Variants in PPP1R13B observed in about 807,000 individuals in gnomAD.
PPP1R13B encodes protein phosphatase 1 regulatory subunit 13B.
Under a neutral mutation model 119.8 loss-of-function variants are expected in PPP1R13B, and 44 were observed. The ratio of observed to expected loss-of-function variants is 0.37; its 90% CI spans 0.29 to 0.47. PPP1R13B has a LOEUF of 0.47. Among genes scored for constraint, PPP1R13B ranks in the 20% least tolerant of loss-of-function variants. PPP1R13B has a pLI of 0.99. For synonymous variants in PPP1R13B, 542 were observed against 561.5 expected, an observed-to-expected ratio of 0.97 and a Z score of 0.49; for missense variants, 1,227 against 1,413.5, an observed-to-expected ratio of 0.87 and a Z score of 2.12.
At chr14:103,824,726 G>C (rs1403254386) in intron 1 of PPP1R13B, among the ~76,000 whole-genome samples, 3 of 151,560 alleles carry the variant, frequency 2.0e-5, no homozygotes, top group Non-Finnish European at 1.5e-5. Context: ...GCAAATGAGT[G>C]TCTTTAAGTC....
intron 4 of PPP1R13B, among the ~76,000 whole-genome samples, chr14:103,773,274 G>A (rs984336750): frequency 6.6e-6 from 1 of 152,128 alleles, no homozygotes; most frequent in Non-Finnish European, 1.5e-5. Flanking sequence ...AATGAAAGAT[G>A]AAGGTCTAAT....
At chr14:103,832,718 G>T (rs928010006) in intron 1 of PPP1R13B, among the ~76,000 whole-genome samples, 2 of 152,192 alleles carry the variant, frequency 1.3e-5, no homozygotes. Flanking sequence ...CAGCATCCCA[G>T]CACTTTGGGA....
intron 7 of PPP1R13B, 64 bp from the exon 8 acceptor site, chr14:103,749,998 G>C: frequency 1.9e-6 from 3 of 1,555,986 alleles, no homozygotes; most frequent in Non-Finnish European, 2.6e-6. Flanking sequence ...CTCATTGCCA[G>C]GGAGATTAAA....
chr14:103,779,221 C>T (rs1164153149), intron 3 of PPP1R13B, among the ~76,000 whole-genome samples: 1 of 151,678 alleles, frequency 6.6e-6, no homozygotes, highest in South Asian at 2.1e-4. Flanking sequence ...TGAGAGGGGT[C>T]GAGGCTGCAG....
At chr14:103,777,003 CT>C (rs142749057) in intron 4 of PPP1R13B, among the ~76,000 whole-genome samples, 211 of 151,942 alleles carry the variant, frequency 1.4e-3, no homozygotes, top group Non-Finnish European at 2.5e-3. Flanking sequence ...AACATTTCGG[CT>C]TTTTTTGAGA....
chr14:103,827,143 T>C (rs1216163740), intron 1 of PPP1R13B, among the ~76,000 whole-genome samples: 1 of 151,312 alleles, frequency 6.6e-6, no homozygotes, highest in Non-Finnish European at 1.5e-5. Flanking sequence ...GTTAACACGG[T>C]GAAACCCCAT....
chr14:103,733,404 A>G lies in PPP1R13B; in HGVS notation c.*1750T>C, dbSNP rs900612256. 8 of 196,830 alleles carry G rather than the reference A, an allele frequency of 4.1e-5. No individual in the cohort carries two copies. The South Asian group carries it at 4.5e-4, about 11-fold the overall frequency. 12.2% of individuals were successfully genotyped at this position (196,830 alleles called of 1,614,324 possible). On this transcript the variant is annotated 3_prime_UTR_variant, in exon 17 of 17. Coordinates refer to ENST00000202556, the MANE Select transcript of PPP1R13B (RefSeq NM_015316.3). Reference sequence around the variant, plus strand: ...CACAGAACCAGTTTGGGCAGTAGGAACTCAGGCTTCTGGTCTGCAGTGGAG... The same window carrying G: ...CACAGAACCAGTTTGGGCAGTAGGAGCTCAGGCTTCTGGTCTGCAGTGGAG...
rs2084710634 is a variant in PPP1R13B at position 103,757,677 on chromosome 14, T to G, written c.429A>C (p.Glu143Asp). ...TGGCAACCAACATCTGCTGCTGATT[T>G]TCAATCTGCTGCTGTTGCCTAGCTG... Reference protein sequence around the residue: ...DMAARQQQQIENQQQMLVAKE... With the variant: ...DMAARQQQQIDNQQQMLVAKE... Residue 143 changes from glutamate (E) to aspartate (D), a missense_variant, in exon 5 of 17, where the codon GAA (glutamate) becomes GAC (aspartate). By Grantham distance (45) the Glu-to-Asp change is conservative. Coordinates refer to ENST00000202556, the MANE Select transcript of PPP1R13B (RefSeq NM_015316.3). 6.2e-7 allele frequency: 1 copy of G among 1,614,022 alleles called. No homozygotes were observed. The highest frequency in any genetic ancestry group is 1.3e-5 in the African/African-American group (1 of 74,948).
intron 1 of PPP1R13B, among the ~76,000 whole-genome samples, chr14:103,828,860 G>A (rs1040672167): frequency 7.2e-5 from 11 of 152,306 alleles, no homozygotes; most frequent in East Asian, 5.8e-4. Context: ...AGAACCATAC[G>A]AAGATTTGGT....
chr14:103,798,245 G>A lies in PPP1R13B; in HGVS notation c.10-727C>T, dbSNP rs1443743464. ...CGGCTCACTGCAAGCTCTGCCTCCCGGGTTCATGCCATTCTCTTGCCTCAG... is the reference window on the plus strand; with the variant it reads ...CGGCTCACTGCAAGCTCTGCCTCCCAGGTTCATGCCATTCTCTTGCCTCAG... On this transcript the variant is annotated intron_variant, in intron 1 of 16. Transcript: ENST00000202556. 5.4e-5 allele frequency among the ~76,000 whole-genome samples: 8 copies of A among 146,794 alleles called. No individual in the cohort carries two copies. The Middle Eastern group carries it at 0.018, about 332-fold the overall frequency.
intron 1 of PPP1R13B, among the ~76,000 whole-genome samples, chr14:103,831,633 T>C (rs1025178133): frequency 2.0e-5 from 3 of 149,460 alleles, no homozygotes; most frequent in Non-Finnish European, 4.5e-5. Flanking sequence ...TTAAAGAGGC[T>C]CCTAGAAAAT....
At chr14:103,774,917 T>C (rs558488915) in intron 4 of PPP1R13B, among the ~76,000 whole-genome samples, 72 of 152,196 alleles carry the variant, frequency 4.7e-4, no homozygotes, top group Middle Eastern at 3.2e-3. Flanking sequence ...CAATCCTAAA[T>C]TATTCCTCTA....
intron 1 of PPP1R13B, among the ~76,000 whole-genome samples, chr14:103,837,196 G>C (rs1435292482): frequency 1.3e-5 from 2 of 152,322 alleles, no homozygotes; most frequent in East Asian, 3.9e-4. Flanking sequence ...AGGCAAACCG[G>C]AAACACAGGG....
chr14:103,831,234 C>T (rs376901788), intron 1 of PPP1R13B, among the ~76,000 whole-genome samples: 21 of 151,844 alleles, frequency 1.4e-4, no homozygotes, highest in African/African-American at 4.1e-4. Context: ...TGAGCCACTA[C>T]GCCCGGCCTC....
intron 2 of PPP1R13B, among the ~76,000 whole-genome samples, chr14:103,796,507 G>A (rs2085760813): frequency 2.6e-5 from 4 of 152,192 alleles, no homozygotes; most frequent in South Asian, 4.1e-4. Context: ...TCTCCACATC[G>A]TATACTTCGT....
rs780947357 is a variant in PPP1R13B, at chr14:103,739,992, T to G, written c.2424A>C (p.Gln808His). The change falls in exon 12 of 17, where the codon CAA becomes CAC. Residue 808 changes from glutamine to histidine, a missense_variant. Transcript: ENST00000202556. The part of the protein sequence containing the change: ...SPEPEELICP[Q>H]TTHQTAEPAE... Reference sequence around the variant, plus strand: ...CCGGCTCGGCAGTTTGGTGGGTGGTTTGGGGACAGATGAGCTCCTCTGGTT... The same window carrying G: ...CCGGCTCGGCAGTTTGGTGGGTGGTGTGGGGACAGATGAGCTCCTCTGGTT... 1 of 1,614,014 alleles carries G rather than the reference T, an allele frequency of 6.2e-7. No individual in the cohort carries two copies. The highest frequency in any genetic ancestry group is 8.5e-7 in the Non-Finnish European group (1 of 1,180,016).
chr14:103,738,973 C>T lies in PPP1R13B; in HGVS notation c.2643G>A (p.Gly881=). The T allele has an allele frequency of 6.2e-7, 1 of 1,614,104 alleles. No homozygotes were observed. Among genetic ancestry groups the T allele is most frequent in the Non-Finnish European group, 8.5e-7 (1 of 1,180,000 alleles). The change falls in exon 13 of 17, where the codon GGG becomes GGA. Residue 881 remains glycine (G), a synonymous_variant. Coordinates refer to ENST00000202556, the MANE Select transcript of PPP1R13B (RefSeq NM_015316.3). The surrounding 1 kb of genome is among the most constrained non-coding windows in gnomAD (Gnocchi z 5.6). The stretch of plus-strand genomic sequence containing the variant: ...CCAGGGGGTTAAACCGGACTCTCAG[C>T]CCGTGCCCCGTCCGCTCCGAGTTGG... The part of the protein sequence containing the change: ...KKPNSERTGH[G]LRVRFNPLAL...
intron 2 of PPP1R13B, among the ~76,000 whole-genome samples, chr14:103,788,238 T>C (rs1330591174): frequency 6.6e-6 from 1 of 152,150 alleles, no homozygotes; most frequent in Non-Finnish European, 1.5e-5. Flanking sequence ...ACACCTGCAA[T>C]TTCTTAAACT....
chr14:103,813,903 C>T (rs1279459846), intron 1 of PPP1R13B, among the ~76,000 whole-genome samples: 1 of 152,120 alleles, frequency 6.6e-6, no homozygotes, highest in African/African-American at 2.4e-5. Context: ...AGTCACTGCA[C>T]TAGGGAAAAA....
Sources: gnomAD v4.1 joint callset for allele counts (sites outside exome capture counted in the v4.1 genomes callset) on GRCh38, gnomAD v4.1.1 for gene constraint, Gnocchi (gnomAD v3.1) non-coding constraint, MANE v1.5 for transcripts, NCBI Gene and HGNC (gene_info 2026-07-23, HGNC 2026-07-21) for gene names.